The following PEX14 variants were observed in gnomAD, a reference collection of about 807,000 sequenced individuals.
PEX14 encodes peroxisomal biogenesis factor 14.
A neutral mutation model predicts 49.5 loss-of-function variants in PEX14; 15 were observed. The ratio of observed to expected loss-of-function variants is 0.30; its 90% CI spans 0.20 to 0.47. The LOEUF (loss-of-function observed/expected upper bound fraction) is 0.47, where lower values mean the gene tolerates loss of function less well. PEX14 is among the 20% of genes least tolerant of loss of function. The pLI is 1.00. For missense variants in PEX14, 398 were observed against 494.8 expected, an observed-to-expected ratio of 0.80 and a Z score of 1.86; for synonymous variants, 210 against 212.7, an observed-to-expected ratio of 0.99 and a Z score of 0.11.
At chr1:10,480,620 G>T (rs190640254) in intron 1 of PEX14, among the ~76,000 whole-genome samples, 1,788 of 151,876 alleles carry the variant, frequency 0.012, 33 homozygotes, top group African/African-American at 0.037. Context: ...AGTCTTGAAT[G>T]CTTGACCTCA....
chr1:10,582,669 A>G (rs904535450), intron 3 of PEX14, among the ~76,000 whole-genome samples: 13 of 152,170 alleles, frequency 8.5e-5, no homozygotes, highest in African/African-American at 3.1e-4. Flanking sequence ...TCAGGGGCTG[A>G]TGAATAAACT....
intron 4 of PEX14, among the ~76,000 whole-genome samples, chr1:10,600,685 T>A (rs1422713619): frequency 6.6e-6 from 1 of 151,956 alleles, no homozygotes; most frequent in African/African-American, 2.4e-5. Flanking sequence ...GCCGCTGCAC[T>A]CCAGCCTAGG....
In PEX14 at chr1:10,623,133, T is replaced by C. The variant is rs1444786965; in HGVS notation, c.487+12T>C. On this transcript the variant is annotated intron_variant, in intron 6 of 8. Coordinates refer to ENST00000356607, the MANE Select transcript of PEX14 (RefSeq NM_004565.3). The surrounding 1 kb of genome is among the most constrained non-coding windows in gnomAD (Gnocchi z 4.4). ...CGTGGCCCAGACAGGTAAAGATTAATGACTCCATCAAGTCACCCCTCACAG... is the reference window on the plus strand; with the variant it reads ...CGTGGCCCAGACAGGTAAAGATTAACGACTCCATCAAGTCACCCCTCACAG... 1.3e-6 allele frequency: 2 copies of C among 1,586,774 alleles called. No individual in the cohort carries two copies. Among genetic ancestry groups the C allele is most frequent in the Non-Finnish European group, 8.6e-7 (1 of 1,156,412 alleles).
intron 3 of PEX14, among the ~76,000 whole-genome samples, chr1:10,596,515 A>C (rs1379629670): frequency 6.6e-6 from 1 of 152,124 alleles, no homozygotes; most frequent in African/African-American, 2.4e-5. Context: ...AAGCTCTTTA[A>C]CAAGTCTGAA....
chr1:10,508,555 AGAGT>A (rs1444408096), intron 2 of PEX14, among the ~76,000 whole-genome samples: 1 of 152,106 alleles, frequency 6.6e-6, no homozygotes, highest in African/African-American at 2.4e-5. Context: ...GTGCCTTGTC[AGAGT>A]GAGTCCCAGC....
chr1:10,490,218 TTGG>T (rs1291236767), intron 1 of PEX14, among the ~76,000 whole-genome samples: 1 of 152,164 alleles, frequency 6.6e-6, no homozygotes, highest in Admixed American at 6.6e-5. Flanking sequence ...TCAAAGGATA[TTGG>T]TGGGATCGAA....
At chr1:10,574,524 C>T (rs1640067647) in intron 3 of PEX14, among the ~76,000 whole-genome samples, 1 of 152,082 alleles carries the variant, frequency 6.6e-6, no homozygotes, top group Non-Finnish European at 1.5e-5. Flanking sequence ...AAAATTAGTG[C>T]TACTCATTAT....
intron 7 of PEX14, among the ~76,000 whole-genome samples, chr1:10,625,654 C>T (rs1463192051): frequency 6.6e-6 from 1 of 152,230 alleles, no homozygotes; most frequent in Non-Finnish European, 1.5e-5. Flanking sequence ...GGTGGCCGGT[C>T]CCTAAAGCAC....
At chr1:10,557,619 A>C (rs1383012816) in intron 3 of PEX14, among the ~76,000 whole-genome samples, 1 of 152,194 alleles carries the variant, frequency 6.6e-6, no homozygotes, top group Non-Finnish European at 1.5e-5. Context: ...AGAGCTGCTA[A>C]TCCTAGGTTA....
chr1:10,547,099 C>G (rs1401748001), intron 3 of PEX14, among the ~76,000 whole-genome samples: 1 of 152,130 alleles, frequency 6.6e-6, no homozygotes, highest in African/African-American at 2.4e-5. Flanking sequence ...CAGCTGTGAT[C>G]CAGGGACCAA....
intron 3 of PEX14, among the ~76,000 whole-genome samples, chr1:10,587,142 A>T (rs1272867478): frequency 6.6e-6 from 1 of 152,110 alleles, no homozygotes; most frequent in East Asian, 1.9e-4. Context: ...TATATATTCA[A>T]TGCCAACAAA....
intron 3 of PEX14, among the ~76,000 whole-genome samples, chr1:10,563,417 T>C (rs1314708209): frequency 2.7e-5 from 4 of 146,688 alleles, no homozygotes; most frequent in African/African-American, 1.0e-4. Context: ...CTGACCAACA[T>C]GAAGAAACCC....
At chr1:10,569,028 A>G (rs1173058324) in intron 3 of PEX14, among the ~76,000 whole-genome samples, 2 of 152,180 alleles carry the variant, frequency 1.3e-5, no homozygotes, top group African/African-American at 2.4e-5. Flanking sequence ...GGCATGAGCC[A>G]CTGTGCCTGG....
At chr1:10,618,656 C>T (rs1641502293) in intron 5 of PEX14, among the ~76,000 whole-genome samples, 1 of 152,264 alleles carries the variant, frequency 6.6e-6, no homozygotes, top group Non-Finnish European at 1.5e-5. Flanking sequence ...CCACCCAGAT[C>T]TCCACTTGCA....
chr1:10,609,482 C>T (rs1310636752), intron 4 of PEX14, among the ~76,000 whole-genome samples: 1 of 152,198 alleles, frequency 6.6e-6, no homozygotes, highest in East Asian at 1.9e-4. Context: ...AAATTTCTAT[C>T]ACCCCAGAAA....
chr1:10,504,427 T>C (rs1641743386), intron 2 of PEX14, among the ~76,000 whole-genome samples: 1 of 152,196 alleles, frequency 6.6e-6, no homozygotes, highest in South Asian at 2.1e-4. Context: ...GGAGTCTGGA[T>C]AAATTACCCC....
intron 1 of PEX14, among the ~76,000 whole-genome samples, chr1:10,493,217 GT>G (rs1641501769): frequency 6.6e-6 from 1 of 152,168 alleles, no homozygotes; most frequent in African/African-American, 2.4e-5. Context: ...CCTTAAATTT[GT>G]TGTGTTTACT....
At chr1:10,621,044 C>A (rs563963569) in intron 5 of PEX14, among the ~76,000 whole-genome samples, 3 of 152,208 alleles carry the variant, frequency 2.0e-5, no homozygotes, top group African/African-American at 7.2e-5. Flanking sequence ...CCCGCCTTAG[C>A]GTGGGCACTC....
chr1:10,619,765 T>G (rs1641537516), intron 5 of PEX14, among the ~76,000 whole-genome samples: 1 of 152,222 alleles, frequency 6.6e-6, no homozygotes, highest in Admixed American at 6.5e-5. Context: ...ATATAATTTT[T>G]TAAGTGTAGC....
Sources: gnomAD v4.1 joint callset for allele counts (sites outside exome capture counted in the v4.1 genomes callset) on GRCh38, gnomAD v4.1.1 for gene constraint, Gnocchi (gnomAD v3.1) non-coding constraint, MANE v1.5 for transcripts, NCBI Gene and HGNC (gene_info 2026-07-23, HGNC 2026-07-21) for gene names.